GTF2F2: variants seen among roughly 807,000 people sequenced by gnomAD.
GTF2F2 encodes general transcription factor IIF subunit 2, also known as ATP-dependent helicase GTF2F2.
Under a neutral mutation model 42.2 loss-of-function variants are expected in GTF2F2, and 23 were observed. That is an observed-to-expected ratio of 0.55 (90% CI 0.39 to 0.77). The LOEUF (loss-of-function observed/expected upper bound fraction) is 0.77. Ranked by LOEUF, GTF2F2 falls within the 30% of genes least tolerant of loss-of-function variation. The probability of loss-of-function intolerance (pLI) is 0.00; values close to 1 mark genes in which losing one functional copy is unlikely to be tolerated. For missense variants in GTF2F2, 261 were observed against 287.2 expected (o/e 0.91, Z 0.66); for synonymous variants, 105 against 100.8 (o/e 1.04, Z -0.25).
chr13:45,149,519 G>A (rs868667373), intron 2 of GTF2F2, among the ~76,000 whole-genome samples: 9 of 151,766 alleles, frequency 5.9e-5, no homozygotes, highest in Non-Finnish European at 4.4e-5. Flanking sequence ...AATAGAACTA[G>A]CAGAGGTTAT....
At chr13:45,262,916 G>A (rs1876405937) in intron 6 of GTF2F2, among the ~76,000 whole-genome samples, 1 of 151,520 alleles carries the variant, frequency 6.6e-6, no homozygotes, top group Admixed American at 6.6e-5. Context: ...TTGTAGAGAT[G>A]GGTCTCACTT....
chr13:45,120,650 A>G lies in GTF2F2; in HGVS notation c.-6A>G. The G allele has an allele frequency of 6.4e-7, 1 of 1,556,076 alleles. No homozygotes were observed. Among genetic ancestry groups the G allele is most frequent in the Admixed American group, 1.9e-5 (1 of 51,502 alleles). ...CATCCCGCACGCCTCCACCGGCTGC[A>G]GACCCATGGCCGAGCGCGGGGAACT... is the stretch of plus-strand genomic sequence containing the variant. On this transcript the variant is annotated 5_prime_UTR_variant, in exon 1 of 8. Coordinates refer to ENST00000340473, the MANE Select transcript of GTF2F2 (RefSeq NM_004128.3).
At chr13:45,148,057 T>C (rs1411310368) in intron 2 of GTF2F2, among the ~76,000 whole-genome samples, 3 of 152,230 alleles carry the variant, frequency 2.0e-5, no homozygotes, top group Non-Finnish European at 4.4e-5. Context: ...CTTAATACTG[T>C]ACCATGTACG....
intron 5 of GTF2F2, among the ~76,000 whole-genome samples, chr13:45,209,330 G>A (rs1873540882): frequency 6.6e-6 from 1 of 152,144 alleles, no homozygotes; most frequent in South Asian, 2.1e-4. Flanking sequence ...TACCATCTAG[G>A]TTTGTATAAG....
At chr13:45,146,138 A>G (rs1206798571) in intron 2 of GTF2F2, among the ~76,000 whole-genome samples, 2 of 152,048 alleles carry the variant, frequency 1.3e-5, no homozygotes, top group South Asian at 2.1e-4. Flanking sequence ...GAAGATACCT[A>G]TGTTGTTTGG....
intron 7 of GTF2F2, among the ~76,000 whole-genome samples, chr13:45,271,533 CCACCACACCCAG>C (rs1379813351): frequency 4.0e-5 from 6 of 151,704 alleles, no homozygotes; most frequent in Non-Finnish European, 8.8e-5. Context: ...CAGGCGCCCA[CCACCACACCCAG>C]CTAATTTTTT....
At chr13:45,265,185 G>A (rs1365213991) in intron 6 of GTF2F2, among the ~76,000 whole-genome samples, 1 of 152,050 alleles carries the variant, frequency 6.6e-6, no homozygotes, top group Non-Finnish European at 1.5e-5. Flanking sequence ...CTTGAACCCA[G>A]GAGGTGGAGG....
chr13:45,231,336 G>A (rs1181742110), intron 5 of GTF2F2, among the ~76,000 whole-genome samples: 3 of 152,148 alleles, frequency 2.0e-5, no homozygotes, highest in African/African-American at 7.2e-5. Context: ...TTGAACTCCT[G>A]ACCTCATGAT....
intron 6 of GTF2F2, among the ~76,000 whole-genome samples, chr13:45,258,361 A>G (rs1160103860): frequency 6.6e-6 from 1 of 150,600 alleles, no homozygotes; most frequent in Middle Eastern, 3.2e-3. Flanking sequence ...CTCCTGCAAT[A>G]CAAAAAAAAA....
At chr13:45,149,938 G>T in intron 3 of GTF2F2, 150 bp downstream of exon 3, 3 of 625,074 alleles carry the variant, frequency 4.8e-6, no homozygotes, top group Non-Finnish European at 7.3e-6. Flanking sequence ...TGCCACCCTT[G>T]TGTGAATGAA....
intron 5 of GTF2F2, among the ~76,000 whole-genome samples, chr13:45,241,091 T>C (rs1875276883): frequency 6.6e-6 from 1 of 151,330 alleles, no homozygotes; most frequent in African/African-American, 2.4e-5. Flanking sequence ...AGGTTGAGGC[T>C]GCAGTGTGTC....
intron 5 of GTF2F2, among the ~76,000 whole-genome samples, chr13:45,250,049 CTCT>C (rs1875811113): frequency 7.3e-6 from 1 of 137,374 alleles, no homozygotes; most frequent in South Asian, 2.3e-4. Context: ...TTTGCCTTAT[CTCT>C]TTTTTTTTTT....
chr13:45,279,722 A>G (rs568072679), intron 7 of GTF2F2, among the ~76,000 whole-genome samples: 13 of 152,310 alleles, frequency 8.5e-5, no homozygotes, highest in East Asian at 1.9e-4. Flanking sequence ...CCTGGCCAAC[A>G]TGGAGAAACT....
intron 5 of GTF2F2, among the ~76,000 whole-genome samples, chr13:45,212,451 C>CTTTCTTTCTTTTCTT (rs1555269183): frequency 1.7e-4 from 12 of 71,662 alleles, no homozygotes; most frequent in Admixed American, 1.7e-3. Flanking sequence ...TTTCTTGTTT[C>CTTTCTTTCTTTTCTT]TTTCTTTCTT....
At chr13:45,173,424 C>G (rs2138146999) in intron 4 of GTF2F2, among the ~76,000 whole-genome samples, 1 of 151,208 alleles carries the variant, frequency 6.6e-6, no homozygotes, top group African/African-American at 2.4e-5. Flanking sequence ...AGTTTTGTCA[C>G]GTGTGGTTTC....
At chr13:45,271,635 T>G (rs1336247140) in intron 7 of GTF2F2, among the ~76,000 whole-genome samples, 2 of 151,904 alleles carry the variant, frequency 1.3e-5, no homozygotes, top group Non-Finnish European at 2.9e-5. Context: ...CACTACAACC[T>G]CCACCTCCCG....
Position 45,191,224 on chromosome 13 carries a change from A to AAAAATATATAT in GTF2F2, c.305-16199_305-16198insAAATATATATA. ...GTCTCTACTAAAAATACAAAAAAAAAATATATATATATATATATATATATA... is the reference window on the plus strand; with the variant it reads ...GTCTCTACTAAAAATACAAAAAAAAAAAAATATATATATATATATATATATATATATATATA... On this transcript the variant is annotated intron_variant, in intron 4 of 7. Transcript: ENST00000340473. Among the ~76,000 whole-genome samples, 12 of 75,312 alleles carry AAAAATATATAT rather than the reference A, an allele frequency of 1.6e-4. 1 individual carries two copies. Among genetic ancestry groups the AAAAATATATAT allele is most frequent in the African/African-American group, 1.2e-3 (12 of 10,000 alleles). The allele number at this position is 75,312 out of a possible 152,430, so 49.4% of individuals were successfully genotyped here.
intron 5 of GTF2F2, among the ~76,000 whole-genome samples, chr13:45,235,041 C>CAAAAAAAAAAAAAAAAAAAA (rs61077504): frequency 2.3e-5 from 1 of 43,704 alleles, no homozygotes; most frequent in Non-Finnish European, 4.2e-5. Flanking sequence ...GCGGGAAACT[C>CAAAAAAAAAAAAAAAAAAAA]AAAAAAAAAA....
chr13:45,247,038 CAA>C (rs752175151), intron 5 of GTF2F2, among the ~76,000 whole-genome samples: 16 of 69,680 alleles, frequency 2.3e-4, no homozygotes, highest in Admixed American at 3.5e-4. Flanking sequence ...GACTCTGTCT[CAA>C]AAAAAAAAAA....
Sources: gnomAD v4.1 joint callset for allele counts (sites outside exome capture counted in the v4.1 genomes callset) on GRCh38, gnomAD v4.1.1 for gene constraint, MANE v1.5 for transcripts, NCBI Gene and HGNC (gene_info 2026-07-23, HGNC 2026-07-21) for gene names.